Variants in TBXAS1 observed in about 807,000 individuals in gnomAD.
The protein encoded by TBXAS1 is thromboxane A synthase 1, also known as thromboxane-A synthase.
TBXAS1 carries 48 observed loss-of-function variants against 60.7 expected under a neutral mutation model. The ratio of observed to expected loss-of-function variants is 0.79; its 90% CI spans 0.63 to 1.01. The LOEUF is 1.01. Ranked by LOEUF, TBXAS1 falls within the 50% of genes least tolerant of loss-of-function variation. The probability of loss-of-function intolerance (pLI) is 0.00; values close to 1 mark genes in which losing one functional copy is unlikely to be tolerated. For missense variants in TBXAS1, 685 were observed against 686.3 expected (o/e 1.00, Z 0.02); for synonymous variants, 287 against 269.7 (o/e 1.06, Z -0.63).
Position 139,955,465 on chromosome 7 carries a change from C to A in TBXAS1, c.546C>A (p.Tyr182Ter), listed in dbSNP as rs1343667486. Residue 182 changes from tyrosine to a stop codon, truncating the protein, a stop_gained, in exon 7 of 13, where the codon TAC becomes TAA. Transcript: ENST00000448866. LOFTEE classifies it high-confidence loss of function. ...GTGCTCCCATCTCCCGTAGGTGCTACTGCAATTACACCACAGATGTGGTTG... is the reference window on the plus strand; with the variant it reads ...GTGCTCCCATCTCCCGTAGGTGCTAATGCAATTACACCACAGATGTGGTTG... ...SGDAFDIQRC[Y>*]CNYTTDVVAS... 6.2e-7 allele frequency: 1 copy of A among 1,614,094 alleles called. No homozygotes were observed. The highest frequency in any genetic ancestry group is 1.3e-5 in the African/African-American group (1 of 74,946).
intron 1 of TBXAS1, among the ~76,000 whole-genome samples, chr7:139,860,265 A>G (rs1256420028): frequency 1.3e-5 from 2 of 151,784 alleles, no homozygotes; most frequent in Non-Finnish European, 2.9e-5. Context: ...GCCTTCCCCC[A>G]CCCCACCCCC....
At chr7:139,895,414 T>A (rs984821287) in intron 3 of TBXAS1, among the ~76,000 whole-genome samples, 3 of 152,186 alleles carry the variant, frequency 2.0e-5, no homozygotes, top group African/African-American at 7.2e-5. Context: ...AGGGGCAAGA[T>A]GTTTACTAGG....
chr7:139,926,469 A>G lies in TBXAS1; in HGVS notation c.334-9722A>G, dbSNP rs558834472. 3.9e-5 allele frequency among the ~76,000 whole-genome samples: 6 copies of G among 152,266 alleles called. No homozygotes were observed. The East Asian group carries it at 1.2e-3, about 29-fold the overall frequency. On this transcript the variant is annotated intron_variant, in intron 4 of 12. Coordinates refer to ENST00000448866, the MANE Select transcript of TBXAS1 (RefSeq NM_001061.7). ...AGCTGCTAATGATCCTTTGAGTATC[A>G]GTTATAACATCTCTTTTTTCATCTC... is the stretch of plus-strand genomic sequence containing the variant.
At chr7:139,892,096 T>C (rs982919018) in intron 3 of TBXAS1, among the ~76,000 whole-genome samples, 1 of 152,120 alleles carries the variant, frequency 6.6e-6, no homozygotes, top group Non-Finnish European at 1.5e-5. Flanking sequence ...CTCACCCAAG[T>C]CATTAATTGG....
intron 4 of TBXAS1, among the ~76,000 whole-genome samples, chr7:139,821,995 CT>C (rs1204434935): frequency 6.6e-6 from 1 of 152,214 alleles, no homozygotes; most frequent in Non-Finnish European, 1.5e-5. Flanking sequence ...TGAGTGCTCC[CT>C]GTGAGCCAGA....
intron 3 of TBXAS1, among the ~76,000 whole-genome samples, chr7:139,893,341 C>CACACACACACAT (rs1295665159): frequency 4.0e-5 from 6 of 151,572 alleles, no homozygotes; most frequent in African/African-American, 7.3e-5. Flanking sequence ...CACACACACA[C>CACACACACACAT]ACACACACAC....
chr7:139,792,124 G>A (rs1400782729), intron 4 of TBXAS1, among the ~76,000 whole-genome samples: 1 of 152,116 alleles, frequency 6.6e-6, no homozygotes, highest in Non-Finnish European at 1.5e-5. Flanking sequence ...ATCATATCAT[G>A]CACATAAGTG....
intron 4 of TBXAS1, among the ~76,000 whole-genome samples, chr7:139,802,556 G>T (rs1007516412): frequency 6.6e-6 from 1 of 152,198 alleles, no homozygotes; most frequent in African/African-American, 2.4e-5. Context: ...AGGCTGAAGT[G>T]GGTAGATTAC....
intron 1 of TBXAS1, among the ~76,000 whole-genome samples, chr7:139,858,506 T>C (rs755295784): frequency 1.3e-5 from 2 of 152,220 alleles, no homozygotes; most frequent in Non-Finnish European, 2.9e-5. Context: ...ATGATCATAA[T>C]GTAAATGCTT....
chr7:139,988,490 C>G (rs1002810886), intron 9 of TBXAS1, among the ~76,000 whole-genome samples: 3 of 152,198 alleles, frequency 2.0e-5, no homozygotes, highest in African/African-American at 7.2e-5. Flanking sequence ...TTTGTGTTCA[C>G]CTTGACCAGC....
chr7:139,983,044 G>C (rs776583502), intron 9 of TBXAS1, among the ~76,000 whole-genome samples: 23 of 152,060 alleles, frequency 1.5e-4, no homozygotes, highest in Non-Finnish European at 3.1e-4. Context: ...TATATTACTT[G>C]TATACTATTT....
intron 9 of TBXAS1, among the ~76,000 whole-genome samples, chr7:139,967,102 T>G (rs1270788733): frequency 1.3e-5 from 2 of 152,226 alleles, no homozygotes; most frequent in African/African-American, 4.8e-5. Flanking sequence ...CAAGGCTGCT[T>G]GATGGGGAAT....
At chr7:139,927,712 T>C (rs1807003306) in intron 4 of TBXAS1, among the ~76,000 whole-genome samples, 1 of 152,192 alleles carries the variant, frequency 6.6e-6, no homozygotes, top group African/African-American at 2.4e-5. Flanking sequence ...AGTTCCAGAC[T>C]ACAGGTCTTT....
chr7:139,874,024 T>C (rs1279698828), intron 2 of TBXAS1, among the ~76,000 whole-genome samples: 1 of 152,202 alleles, frequency 6.6e-6, no homozygotes, highest in Non-Finnish European at 1.5e-5. Flanking sequence ...TGCCCCCACC[T>C]TCTCAATTAT....
At chr7:140,008,995 G>A (rs1192079531) in intron 10 of TBXAS1, among the ~76,000 whole-genome samples, 1 of 152,206 alleles carries the variant, frequency 6.6e-6, no homozygotes, top group Non-Finnish European at 1.5e-5. Flanking sequence ...TCCAGCAAGA[G>A]GACAGCACAG....
chr7:139,854,140 G>A (rs187127370), intron 1 of TBXAS1, among the ~76,000 whole-genome samples: 43 of 152,030 alleles, frequency 2.8e-4, no homozygotes, highest in Non-Finnish European at 5.2e-4. Flanking sequence ...AGCAGGGGTG[G>A]CACTTGTACA....
chr7:139,822,991 GGCCCGCAGT>G (rs1278169143), intron 4 of TBXAS1, among the ~76,000 whole-genome samples: 1 of 151,906 alleles, frequency 6.6e-6, no homozygotes, highest in Non-Finnish European at 1.5e-5. Context: ...TTCTTGGTAT[GGCCCGCAGT>G]GCCTTGCATA....
chr7:140,015,018 A>C (rs1337101780), intron 10 of TBXAS1, among the ~76,000 whole-genome samples: 2 of 152,166 alleles, frequency 1.3e-5, no homozygotes, highest in Non-Finnish European at 2.9e-5. Context: ...ATGGGTATCT[A>C]ATGTACTATT....
chr7:139,834,409 A>G lies in TBXAS1; in HGVS notation c.89+4930A>G, dbSNP rs568071959. ...CTAAGGTCACACCTCAAGGAACTAGAGAAATAGAAACAAACTGAACCCAAA... is the reference window on the plus strand; with the variant it reads ...CTAAGGTCACACCTCAAGGAACTAGGGAAATAGAAACAAACTGAACCCAAA... On this transcript the variant is annotated intron_variant, in intron 1 of 12. Coordinates refer to ENST00000448866, the MANE Select transcript of TBXAS1 (RefSeq NM_001061.7). Among the ~76,000 whole-genome samples the G allele has an allele frequency of 1.1e-4, 16 of 152,344 alleles. No homozygotes were observed. In the South Asian group the frequency reaches 3.3e-3, roughly 32 times the overall value.
Sources: allele counts gnomAD v4.1 joint callset (sites outside exome capture counted in the v4.1 genomes callset), GRCh38; gene constraint gnomAD v4.1.1; transcripts MANE v1.5; gene names NCBI Gene and HGNC (gene_info 2026-07-23, HGNC 2026-07-21).